Variants in BSDC1 observed in about 807,000 individuals in gnomAD.
BSDC1 encodes BSD domain containing 1, also known as BSD domain-containing protein 1.
In BSDC1, 29 loss-of-function variants were observed where a neutral mutation model predicts 56.0. The ratio of observed to expected loss-of-function variants is 0.52; its 90% CI spans 0.39 to 0.71. The LOEUF is 0.71. Ranked by LOEUF, BSDC1 falls within the 30% of genes least tolerant of loss-of-function variation. The probability of loss-of-function intolerance (pLI) is 0.00; values close to 1 mark genes in which losing one functional copy is unlikely to be tolerated. For missense variants in BSDC1, 477 were observed against 548.5 expected, an observed-to-expected ratio of 0.87 and a Z score of 1.30; for synonymous variants, 210 against 215.3, an observed-to-expected ratio of 0.98 and a Z score of 0.21.
intron 5 of BSDC1, among the ~76,000 whole-genome samples, chr1:32,379,874 C>T (rs1274651835): frequency 6.6e-6 from 1 of 152,200 alleles, no homozygotes; most frequent in Non-Finnish European, 1.5e-5. Flanking sequence ...TGTCTTCTGT[C>T]TTTCTCTCTA....
intron 2 of BSDC1, among the ~76,000 whole-genome samples, chr1:32,388,905 G>A (rs1557656159): frequency 6.6e-6 from 1 of 151,954 alleles, no homozygotes; most frequent in Non-Finnish European, 1.5e-5. Flanking sequence ...GCTTCCTGCT[G>A]CCTCTTCAGG....
intron 4 of BSDC1, among the ~76,000 whole-genome samples, chr1:32,382,130 G>A (rs1052024267): frequency 6.6e-6 from 1 of 151,936 alleles, no homozygotes; most frequent in Non-Finnish European, 1.5e-5. Context: ...AGGATGCTGA[G>A]GCAGGAGAAT....
rs1570124627 is a variant in BSDC1, at chr1:32,376,744, G to A, written c.677-3C>T. Reference sequence around the variant, plus strand: ...GGGTGAAATGCCCATGAGCTCCTCTGTAGAGAGAGAAAGGGAGGGGCAAGA... The same window carrying A: ...GGGTGAAATGCCCATGAGCTCCTCTATAGAGAGAGAAAGGGAGGGGCAAGA... On this transcript the variant is annotated splice_polypyrimidine_tract_variant and splice_region_variant and intron_variant, in intron 8 of 10. Transcript: ENST00000455895. 2.2e-6 allele frequency: 3 copies of A among 1,364,496 alleles called. No individual in the cohort carries two copies. In the East Asian group the frequency reaches 7.6e-5, roughly 35 times the overall value. 84.5% of individuals were successfully genotyped at this position (1,364,496 alleles called of 1,614,324 possible). A position where few individuals can be genotyped will look rare whatever the true frequency, so the allele number is the denominator to read the frequency against.
chr1:32,386,972 T>C, intron 2 of BSDC1, 77 bp from the exon 3 acceptor site: 1 of 1,108,556 alleles, frequency 9.0e-7, no homozygotes, highest in South Asian at 1.3e-5. Flanking sequence ...GTTTCTTCAG[T>C]ACCAGACAGA....
chr1:32,370,440 T>G (rs558066182), intron 9 of BSDC1, among the ~76,000 whole-genome samples: 1 of 152,154 alleles, frequency 6.6e-6, no homozygotes, highest in Non-Finnish European at 1.5e-5. Context: ...TTAGAACACA[T>G]AGTTGGCACT....
At chr1:32,369,579 A>G (rs1641993828) in intron 9 of BSDC1, among the ~76,000 whole-genome samples, 1 of 152,066 alleles carries the variant, frequency 6.6e-6, no homozygotes, top group Non-Finnish European at 1.5e-5. Flanking sequence ...TTCTGCCCAC[A>G]CTAATCTTGT....
chr1:32,367,729 G>A, intron 10 of BSDC1: 1 of 967,102 alleles, frequency 1.0e-6, no homozygotes, highest in Non-Finnish European at 1.2e-6. Flanking sequence ...GCCTCCTTGA[G>A]CTTAATAACT....
intron 9 of BSDC1, among the ~76,000 whole-genome samples, chr1:32,374,276 C>T (rs1036755730): frequency 2.6e-5 from 4 of 152,220 alleles, no homozygotes; most frequent in Non-Finnish European, 5.9e-5. Flanking sequence ...AAGCAGGGCT[C>T]TACTTAATTC....
chr1:32,393,747 A>G (rs994756229), intron 2 of BSDC1: 1 of 344,034 alleles, frequency 2.9e-6, no homozygotes, highest in Non-Finnish European at 5.4e-6. Context: ...TACTGCTAGA[A>G]TCTTTTCCTT....
intron 10 of BSDC1, chr1:32,368,154 G>T: frequency 7.0e-7 from 1 of 1,420,450 alleles, no homozygotes; most frequent in Non-Finnish European, 9.2e-7. Flanking sequence ...TTACAGGTGT[G>T]AGCCACCGCG....
chr1:32,368,304 G>A (rs1181047760), intron 10 of BSDC1, 143 bp downstream of exon 10: 1 of 1,599,668 alleles, frequency 6.3e-7, no homozygotes, highest in Non-Finnish European at 8.5e-7. Flanking sequence ...GGTCTGAGCA[G>A]GAAGCTCCAG....
At chr1:32,370,785 C>T (rs188523757) in intron 9 of BSDC1, among the ~76,000 whole-genome samples, 25 of 109,590 alleles carry the variant, frequency 2.3e-4, no homozygotes, top group South Asian at 1.2e-3. Context: ...GCCTGGGTGA[C>T]AGAGTGAGAC....
intron 9 of BSDC1, among the ~76,000 whole-genome samples, chr1:32,374,458 G>A (rs1033143733): frequency 6.6e-6 from 1 of 152,178 alleles, no homozygotes; most frequent in African/African-American, 2.4e-5. Context: ...TCCATGCTCT[G>A]CTGCTTTATG....
intron 2 of BSDC1, among the ~76,000 whole-genome samples, chr1:32,387,438 T>G (rs78982195): frequency 1.3e-5 from 2 of 150,684 alleles, no homozygotes; most frequent in Non-Finnish European, 1.5e-5. Context: ...GCCTCCCGGG[T>G]TCAAGCGATT....
intron 4 of BSDC1, among the ~76,000 whole-genome samples, chr1:32,382,422 C>T (rs1557649749): frequency 6.6e-6 from 1 of 151,200 alleles, no homozygotes; most frequent in Non-Finnish European, 1.5e-5. Flanking sequence ...TGTGATCGCA[C>T]CACTGCACTC....
At chr1:32,369,504 T>C (rs959345117) in intron 9 of BSDC1, among the ~76,000 whole-genome samples, 3 of 152,056 alleles carry the variant, frequency 2.0e-5, no homozygotes, top group Non-Finnish European at 2.9e-5. Context: ...CAAAACCCTG[T>C]CTCTAAAGAA....
intron 4 of BSDC1, among the ~76,000 whole-genome samples, chr1:32,382,640 C>T (rs1165451522): frequency 6.7e-6 from 1 of 149,486 alleles, no homozygotes; most frequent in Admixed American, 6.7e-5. Flanking sequence ...GTAGGAGGAT[C>T]ACTTGAGCCC....
intron 10 of BSDC1, chr1:32,367,339 A>G: frequency 1.0e-6 from 1 of 985,464 alleles, no homozygotes. Context: ...AAGACACAAA[A>G]AGCCAGCAAG....
At chr1:32,392,459 C>G (rs537639809) in intron 2 of BSDC1, among the ~76,000 whole-genome samples, 2 of 152,216 alleles carry the variant, frequency 1.3e-5, no homozygotes, top group South Asian at 4.1e-4. Context: ...CCCACCCCAG[C>G]TTTTAACTGG....
Sources: gnomAD v4.1 joint callset for allele counts (sites outside exome capture counted in the v4.1 genomes callset) on GRCh38, gnomAD v4.1.1 for gene constraint, MANE v1.5 for transcripts, NCBI Gene and HGNC (gene_info 2026-07-23, HGNC 2026-07-21) for gene names.